The following UFD1 variants were observed in gnomAD, a reference collection of about 807,000 sequenced individuals.
UFD1 encodes the protein ubiquitin recognition factor in ER associated degradation 1, also known as ubiquitin recognition factor in ER-associated degradation protein 1.
In UFD1, 13 loss-of-function variants were observed where a neutral mutation model predicts 45.9. That is an observed-to-expected ratio of 0.28 (90% CI 0.18 to 0.45). UFD1 has a LOEUF of 0.45. Ranked by LOEUF, UFD1 falls within the 20% of genes least tolerant of loss-of-function variation. The pLI is 1.00. For synonymous variants in UFD1, 128 were observed against 139.2 expected (o/e 0.92, Z 0.56); for missense variants, 218 against 389.2 (o/e 0.56, Z 3.70).
intron 3 of UFD1, among the ~76,000 whole-genome samples, chr22:19,474,671 T>C (rs2089868825): frequency 1.3e-5 from 2 of 152,098 alleles, no homozygotes; most frequent in African/African-American, 4.8e-5. Flanking sequence ...ATTCTTCCTT[T>C]AGGAAAAAAA....
intron 1 of UFD1, among the ~76,000 whole-genome samples, chr22:19,478,584 C>A (rs2089912087): frequency 1.5e-5 from 2 of 129,916 alleles, no homozygotes; most frequent in Non-Finnish European, 2.9e-5. Context: ...TAGCTTCCAT[C>A]GTTATCATTA....
chr22:19,469,849 T>C, intron 4 of UFD1: 1 of 481,054 alleles, frequency 2.1e-6, no homozygotes, highest in Non-Finnish European at 4.2e-6. Context: ...TAAAGAGGCT[T>C]TCCAGGGGAG....
At chr22:19,460,150 T>A (rs1268628582) in intron 6 of UFD1, among the ~76,000 whole-genome samples, 1 of 152,074 alleles carries the variant, frequency 6.6e-6, no homozygotes, top group African/African-American at 2.4e-5. Context: ...ATTGAATAGA[T>A]AAGGAATAAA....
rs117948119 is a variant in UFD1 at position 19,457,509 on chromosome 22, C to T, written c.564+562G>A. On this transcript the variant is annotated intron_variant, in intron 7 of 11. Transcript: ENST00000263202. ...CAGAAGGTTCAGTACGCTTCCTTAG[C>T]TCTTAAGCATATTCACTCCTCGGCC... Among the ~76,000 whole-genome samples, 206 of 152,298 alleles carry T rather than the reference C, an allele frequency of 1.4e-3. 4 individuals are homozygous for T. The East Asian group carries it at 0.034, about 25-fold the overall frequency.
At chr22:19,469,021 G>A (rs968648636) in intron 4 of UFD1, among the ~76,000 whole-genome samples, 2 of 152,204 alleles carry the variant, frequency 1.3e-5, no homozygotes, top group African/African-American at 2.4e-5. Context: ...TGAAGCCTGA[G>A]TGGTGGGCCC....
Position 19,455,773 on chromosome 22 carries a change from A to G in UFD1, c.679-5T>C. On this transcript the variant is annotated splice_polypyrimidine_tract_variant and splice_region_variant and intron_variant, in intron 9 of 11. Transcript: ENST00000263202. Reference sequence around the variant, plus strand: ...ATTGCCAGATCCAGAGAAAGCCTAGACAGGAAGTAGGTGAGTCATATAATA... The same window carrying G: ...ATTGCCAGATCCAGAGAAAGCCTAGGCAGGAAGTAGGTGAGTCATATAATA... 1.9e-6 allele frequency: 3 copies of G among 1,613,936 alleles called. No homozygotes were observed. The highest frequency in any genetic ancestry group is 2.5e-6 in the Non-Finnish European group (3 of 1,179,860).
chr22:19,474,532 G>A (rs1441340135), intron 3 of UFD1, among the ~76,000 whole-genome samples: 2 of 151,988 alleles, frequency 1.3e-5, no homozygotes, highest in Non-Finnish European at 2.9e-5. Context: ...GGCGCTAAGA[G>A]CAAAACTCTG....
At chr22:19,451,780 T>C in intron 11 of UFD1, 1 of 985,484 alleles carries the variant, frequency 1.0e-6, no homozygotes. Context: ...TGTCAATAGC[T>C]GTGTTTGGCT....
At chr22:19,467,543 C>T (rs2089812103) in intron 5 of UFD1, 1 of 249,052 alleles carries the variant, frequency 4.0e-6, no homozygotes, top group Admixed American at 5.1e-5. Flanking sequence ...GGGGCTGGAG[C>T]TGAAGGCAGA....
rs2089723019 is a variant in UFD1 at position 19,456,363 on chromosome 22, TA to T, written c.678+223del. 3 of 610,032 alleles carry T rather than the reference TA, an allele frequency of 4.9e-6. No homozygotes were observed. The South Asian group carries it at 6.0e-5, about 12-fold the overall frequency. 37.8% of individuals were successfully genotyped at this position (610,032 alleles called of 1,614,324 possible). On this transcript the variant is annotated intron_variant, in intron 9 of 11. Transcript: ENST00000263202. ...AACTCTTCGGTAGGTTAGAAATTCT[TA>T]AAAATCTGGGCTGCCTTATGGGGCT... is the stretch of plus-strand genomic sequence containing the variant.
chr22:19,451,120 C>CAAAAAAAAAAAAAAAAAAAAAA (rs34076964), intron 11 of UFD1: 1 of 677,018 alleles, frequency 1.5e-6, no homozygotes, highest in Non-Finnish European at 1.7e-6. Context: ...GACCCTGCCT[C>CAAAAAAAAAAAAAAAAAAAAAA]AAAAAAAAAA....
intron 5 of UFD1, 162 bp from the exon 6 acceptor site, chr22:19,465,436 T>C (rs1601895351): frequency 1.7e-6 from 1 of 602,542 alleles, no homozygotes; most frequent in East Asian, 2.8e-5. Flanking sequence ...TAAAGAAGGA[T>C]GGAACTCCTA....
At chr22:19,474,732 C>T (rs1261145035) in intron 3 of UFD1, among the ~76,000 whole-genome samples, 3 of 152,054 alleles carry the variant, frequency 2.0e-5, no homozygotes, top group Non-Finnish European at 2.9e-5. Flanking sequence ...GTACAAAGCA[C>T]TTGATACTTG....
chr22:19,459,693 G>T (rs2089750736), intron 6 of UFD1, among the ~76,000 whole-genome samples: 1 of 149,656 alleles, frequency 6.7e-6, no homozygotes, highest in African/African-American at 2.5e-5. Flanking sequence ...ACTTTTTCCT[G>T]CATCATTTCA....
chr22:19,479,156 C>T lies in UFD1; in HGVS notation c.-71G>A. On this transcript the variant is annotated 5_prime_UTR_variant, in exon 1 of 12. Transcript: ENST00000263202. ...GAAGAAACCCCGCCGACCGCTCTCC[C>T]AGCCGCCGCTGCCGCTGCCGCCGCG... 6.3e-7 allele frequency: 1 copy of T among 1,579,978 alleles called. No homozygotes were observed. Among genetic ancestry groups the T allele is most frequent in the South Asian group, 1.1e-5 (1 of 87,376 alleles).
chr22:19,454,489 C>T (rs774541342), intron 11 of UFD1: 5 of 806,278 alleles, frequency 6.2e-6, no homozygotes, highest in African/African-American at 3.6e-5. Flanking sequence ...TTTCCCTGCA[C>T]CAGCTTTTTC....
chr22:19,473,831 C>G (rs1211306313), intron 3 of UFD1, among the ~76,000 whole-genome samples: 1 of 152,162 alleles, frequency 6.6e-6, no homozygotes, highest in African/African-American at 2.4e-5. Context: ...GCAAAGAGCC[C>G]GAGGTGAGTC....
intron 5 of UFD1, chr22:19,467,107 C>T (rs1275886497): frequency 6.6e-6 from 1 of 151,690 alleles, no homozygotes; most frequent in Non-Finnish European, 1.5e-5. Context: ...GAGAGCGCTA[C>T]TGGGAAAGGA....
chr22:19,467,374 G>A (rs1378895711), intron 5 of UFD1: 1 of 156,242 alleles, frequency 6.4e-6, no homozygotes, highest in Non-Finnish European at 1.4e-5. Flanking sequence ...TGAACAAAAA[G>A]AATCCACTAG....
Sources: allele counts gnomAD v4.1 joint callset (sites outside exome capture counted in the v4.1 genomes callset), GRCh38; gene constraint gnomAD v4.1.1; transcripts MANE v1.5; gene names NCBI Gene and HGNC (gene_info 2026-07-23, HGNC 2026-07-21).